RGP1: variants seen among roughly 807,000 people sequenced by gnomAD.
RGP1 encodes the protein RAB6A-GEF complex partner protein 2.
RGP1 carries 28 observed loss-of-function variants against 44.5 expected under a neutral mutation model. The ratio of observed to expected loss-of-function variants is 0.63; its 90% CI spans 0.47 to 0.86. The LOEUF (loss-of-function observed/expected upper bound fraction) is 0.86, where lower values mean the gene tolerates loss of function less well. Ranked by LOEUF, RGP1 falls within the 40% of genes least tolerant of loss-of-function variation. The pLI, the probability that RGP1 is intolerant of heterozygous loss-of-function variation, is 0.00. For missense variants in RGP1, 417 were observed against 490.7 expected, an observed-to-expected ratio of 0.85 and a Z score of 1.42; for synonymous variants, 212 against 196.7, an observed-to-expected ratio of 1.08 and a Z score of -0.65.
chr9:35,784,878 A>C, the RGP1 span, among the ~76,000 whole-genome samples: 1 of 152,102 alleles, frequency 6.6e-6, no homozygotes, highest in Admixed American at 6.5e-5. Context: ...CGAGTAGCTG[A>C]AACTACAGGC....
Position 35,757,662 on chromosome 9 carries a change from A to AG in RGP1, c.*4791dup, listed in dbSNP as rs1047825258. ...GGCTGACGTAGACAGTGAAGGGTGA[A>AG]GGGTAGGTTTTAGGAGTAGGGGGAG... On this transcript the variant is annotated 3_prime_UTR_variant, in exon 9 of 9. Coordinates refer to ENST00000378078, the MANE Select transcript of RGP1 (RefSeq NM_001080496.3). 6.6e-6 allele frequency: 1 copy of AG among 152,296 alleles called. No individual in the cohort carries two copies. Among genetic ancestry groups the AG allele is most frequent in the African/African-American group, 2.4e-5 (1 of 41,440 alleles). 9.4% of individuals were successfully genotyped at this position (152,296 alleles called of 1,614,324 possible). A position where few individuals can be genotyped will look rare whatever the true frequency, so the allele number is the denominator to read the frequency against.
the RGP1 span, among the ~76,000 whole-genome samples, chr9:35,764,261 G>T: frequency 6.6e-6 from 1 of 152,110 alleles, no homozygotes; most frequent in African/African-American, 2.4e-5. Flanking sequence ...TTAAAAATTC[G>T]ACTTAAGCTA....
the RGP1 span, among the ~76,000 whole-genome samples, chr9:35,785,579 G>T: frequency 6.6e-6 from 1 of 152,102 alleles, no homozygotes; most frequent in Non-Finnish European, 1.5e-5. Context: ...TCAAAAGGTC[G>T]CTTTGACACC....
the RGP1 span, among the ~76,000 whole-genome samples, chr9:35,770,138 A>T: frequency 6.6e-6 from 1 of 152,126 alleles, no homozygotes. Context: ...CATAGGGTAG[A>T]GGTAGTAGGG....
At chr9:35,762,703 A>G (rs985771477), downstream of RGP1, among the ~76,000 whole-genome samples, 1 of 152,250 alleles carries the variant, frequency 6.6e-6, no homozygotes, top group Non-Finnish European at 1.5e-5. Context: ...AGGATGCCTC[A>G]GAAGTGGCTG....
rs551634707 is a variant in RGP1, at chr9:35,753,676, C to T, written c.*802C>T. On this transcript the variant is annotated 3_prime_UTR_variant, in exon 9 of 9. Transcript: ENST00000378078. The surrounding 1 kb of genome is among the most constrained non-coding windows in gnomAD (Gnocchi z 4.2). ...GTCACTCACGTGTCACAGCAGCCCACGCCAACAGGATGCAGACAGGTGCAA... is the reference window on the plus strand; with the variant it reads ...GTCACTCACGTGTCACAGCAGCCCATGCCAACAGGATGCAGACAGGTGCAA... 46 of 1,613,962 alleles carry T rather than the reference C, an allele frequency of 2.9e-5. No individual in the cohort carries two copies. The East Asian group carries it at 6.9e-4, about 24-fold the overall frequency.
chr9:35,787,230 G>A, the RGP1 span, among the ~76,000 whole-genome samples: 6 of 150,222 alleles, frequency 4.0e-5, no homozygotes, highest in Admixed American at 2.0e-4. Flanking sequence ...AGCGCCCACC[G>A]CTGCCCCCTT....
chr9:35,784,681 G>A, the RGP1 span, among the ~76,000 whole-genome samples: 2 of 152,100 alleles, frequency 1.3e-5, no homozygotes, highest in Admixed American at 1.3e-4. Flanking sequence ...TCTTGGCCAA[G>A]CTGGTCTTGA....
At chr9:35,768,344 G>A in the RGP1 span, among the ~76,000 whole-genome samples, 2 of 152,176 alleles carry the variant, frequency 1.3e-5, no homozygotes, top group Non-Finnish European at 2.9e-5. Context: ...TTACAGATGT[G>A]AGCCACTGTG....
At chr9:35,773,702 A>G in the RGP1 span, among the ~76,000 whole-genome samples, 7 of 152,034 alleles carry the variant, frequency 4.6e-5, no homozygotes, top group African/African-American at 1.4e-4. Flanking sequence ...GGGTTTCATC[A>G]TGTTGGCCAG....
Position 35,757,811 on chromosome 9 carries a change from TCA to T in RGP1, c.*4938_*4939del, listed in dbSNP as rs1827380627. ...TGCGTCTTGGATTACTGTCTGCCAT[TCA>T]GCCTTTGCCAAAAAATTTGGCACTG... is the stretch of plus-strand genomic sequence containing the variant. On this transcript the variant is annotated 3_prime_UTR_variant, in exon 9 of 9. Coordinates refer to ENST00000378078, the MANE Select transcript of RGP1 (RefSeq NM_001080496.3). 1 of 152,240 alleles carries T rather than the reference TCA, an allele frequency of 6.6e-6. No homozygotes were observed. Among genetic ancestry groups the T allele is most frequent in the Non-Finnish European group, 1.5e-5 (1 of 68,048 alleles). The allele number at this position is 152,240 out of a possible 1,614,324, so 9.4% of individuals were successfully genotyped here.
At chr9:35,769,789 C>A in the RGP1 span, among the ~76,000 whole-genome samples, 1 of 152,126 alleles carries the variant, frequency 6.6e-6, no homozygotes, top group Non-Finnish European at 1.5e-5. Flanking sequence ...GACCATGGGG[C>A]ACCTTGAAAT....
the RGP1 span, among the ~76,000 whole-genome samples, chr9:35,770,314 T>G: frequency 6.6e-6 from 1 of 152,216 alleles, no homozygotes; most frequent in Non-Finnish European, 1.5e-5. Flanking sequence ...GAAGATATTT[T>G]GGAGGAAAAT....
Position 35,753,858 on chromosome 9 carries a change from A to G in RGP1, c.*984A>G. ...TCTGGGGTGGAGACAGTAAGTACGC[A>G]CTATCCCCGTATTTAGTTTGTCTTT... On this transcript the variant is annotated 3_prime_UTR_variant, in exon 9 of 9. Coordinates refer to ENST00000378078, the MANE Select transcript of RGP1 (RefSeq NM_001080496.3). The surrounding 1 kb of genome is among the most constrained non-coding windows in gnomAD (Gnocchi z 4.2). 2 of 1,515,104 alleles carry G rather than the reference A, an allele frequency of 1.3e-6. No individual in the cohort carries two copies. The highest frequency in any genetic ancestry group is 1.8e-6 in the Non-Finnish European group (2 of 1,101,880). The allele number at this position is 1,515,104 out of a possible 1,614,324, so 93.9% of individuals were successfully genotyped here. A position where few individuals can be genotyped will look rare whatever the true frequency, so the allele number is the denominator to read the frequency against.
downstream of RGP1, among the ~76,000 whole-genome samples, chr9:35,761,041 C>A (rs1052047790): frequency 6.6e-6 from 1 of 152,208 alleles, no homozygotes; most frequent in African/African-American, 2.4e-5. Flanking sequence ...AGCCACAGAT[C>A]CTGATTTCAC....
the RGP1 span, among the ~76,000 whole-genome samples, chr9:35,788,307 G>A: frequency 4.6e-5 from 7 of 152,206 alleles, no homozygotes; most frequent in East Asian, 1.9e-4. Flanking sequence ...GGTGGCTTAC[G>A]CCTGTAATCC....
downstream of RGP1, among the ~76,000 whole-genome samples, chr9:35,762,845 A>G (rs1012803550): frequency 1.3e-5 from 2 of 152,044 alleles, no homozygotes; most frequent in Admixed American, 6.5e-5. Flanking sequence ...TTAACGGAAA[A>G]AAAAAAACAG....
chr9:35,779,030 A>G, the RGP1 span, among the ~76,000 whole-genome samples: 80 of 152,286 alleles, frequency 5.3e-4, no homozygotes, highest in African/African-American at 1.9e-3. Context: ...CCTTCATTTC[A>G]ATATATTATA....
At chr9:35,768,575 G>C in the RGP1 span, among the ~76,000 whole-genome samples, 1 of 152,162 alleles carries the variant, frequency 6.6e-6, no homozygotes. Flanking sequence ...AATTTATTCT[G>C]CCAGAGGGTA....
Sources: allele counts gnomAD v4.1 joint callset (sites outside exome capture counted in the v4.1 genomes callset), GRCh38; gene constraint gnomAD v4.1.1; non-coding constraint Gnocchi (gnomAD v3.1); transcripts MANE v1.5; gene names NCBI Gene and HGNC (gene_info 2026-07-23, HGNC 2026-07-21).